GPC3: variants seen among roughly 807,000 people sequenced by gnomAD.
GPC3 encodes glypican 3, also known as glypican-3.
In GPC3, 3 loss-of-function variants were observed where a neutral mutation model predicts 34.4. The ratio of observed to expected loss-of-function variants is 0.09; its 90% CI spans 0.04 to 0.23. GPC3 has a LOEUF of 0.23. GPC3 is among the 10% of genes least tolerant of loss of function. The pLI is 1.00. For missense variants in GPC3, 351 were observed against 445.6 expected, an observed-to-expected ratio of 0.79 and a Z score of 1.91; for synonymous variants, 177 against 174.0, an observed-to-expected ratio of 1.02 and a Z score of -0.13.
intron 6 of GPC3, among the ~76,000 whole-genome samples, chrX:133,603,119 T>G (rs781309793): frequency 9.4e-6 from 1 of 106,483 alleles, no homozygotes; most frequent in Non-Finnish European, 1.9e-5. Context: ...AATTGTGATT[T>G]CGAAAAAAAT....
At chrX:133,841,453 A>G (rs1490217376) in intron 2 of GPC3, among the ~76,000 whole-genome samples, 1 of 108,988 alleles carries the variant, frequency 9.2e-6, no homozygotes, top group Admixed American at 1.0e-4. Flanking sequence ...CACGATGCAT[A>G]AATAGATTCA....
intron 2 of GPC3, among the ~76,000 whole-genome samples, chrX:133,952,569 G>C (rs757229552): frequency 8.9e-6 from 1 of 112,169 alleles, no homozygotes; most frequent in East Asian, 2.8e-4. Flanking sequence ...AGAAGTGAGA[G>C]TCACAAAGAG....
At chrX:133,606,431 AT>A (rs11287002) in intron 6 of GPC3, among the ~76,000 whole-genome samples, 6,852 of 110,812 alleles carry the variant, frequency 0.062, 570 homozygotes, top group African/African-American at 0.21. Context: ...TATTTTATTT[AT>A]TTTTTTTGAA....
chrX:133,976,609 G>A (rs913242897), intron 1 of GPC3, among the ~76,000 whole-genome samples: 8 of 67,399 alleles, frequency 1.2e-4, no homozygotes, highest in Non-Finnish European at 2.2e-4. Flanking sequence ...CTCTTCAATC[G>A]TAAGTTTTAA....
At chrX:133,633,754 T>C (rs1402173433) in intron 6 of GPC3, among the ~76,000 whole-genome samples, 1 of 112,119 alleles carries the variant, frequency 8.9e-6, no homozygotes, top group East Asian at 2.8e-4. Flanking sequence ...CAAAGCAGTT[T>C]AAGGTAACTT....
intron 7 of GPC3, among the ~76,000 whole-genome samples, chrX:133,546,038 TG>T (rs2069383107): frequency 8.9e-6 from 1 of 111,925 alleles, no homozygotes; most frequent in Non-Finnish European, 1.9e-5. Flanking sequence ...TGACAAACAC[TG>T]ATAGGACTTT....
At chrX:133,555,547 G>C (rs2069480356) in intron 7 of GPC3, among the ~76,000 whole-genome samples, 1 of 111,919 alleles carries the variant, frequency 8.9e-6, no homozygotes, top group Non-Finnish European at 1.9e-5. Context: ...GCCACTGAAG[G>C]CTGGGTGTGG....
At chrX:133,956,031 C>T (rs1391328627) in intron 1 of GPC3, among the ~76,000 whole-genome samples, 1 of 111,573 alleles carries the variant, frequency 9.0e-6, no homozygotes, top group African/African-American at 3.3e-5. Context: ...CATGACATCA[C>T]TGCTGGGGTC....
chrX:133,653,819 A>G (rs993159120), intron 6 of GPC3, among the ~76,000 whole-genome samples: 1 of 112,328 alleles, frequency 8.9e-6, no homozygotes. Context: ...TGGAGTACTT[A>G]CTGTATAAGA....
Position 133,641,001 on chromosome X carries a change from T to C in GPC3, c.1413+20729A>G, listed in dbSNP as rs2070474839. ...GGGCCACACACAAGTAAGAAGCTGCTTGATTTAGTTTAGCTTTTTTTTTTT... is the reference window on the plus strand; with the variant it reads ...GGGCCACACACAAGTAAGAAGCTGCCTGATTTAGTTTAGCTTTTTTTTTTT... On this transcript the variant is annotated intron_variant, in intron 6 of 7. Coordinates refer to ENST00000370818, the MANE Select transcript of GPC3 (RefSeq NM_004484.4). Among the ~76,000 whole-genome samples the C allele has an allele frequency of 2.7e-5, 3 of 110,409 alleles. No homozygotes were observed. The South Asian group carries it at 1.1e-3, about 42-fold the overall frequency.
At chrX:133,601,366 T>C (rs182857860) in intron 6 of GPC3, among the ~76,000 whole-genome samples, 1 of 112,044 alleles carries the variant, frequency 8.9e-6, no homozygotes, top group East Asian at 2.8e-4. Context: ...GCAGATTGAC[T>C]TGAGTTCGAA....
At chrX:133,931,291 AG>A (rs758653106) in intron 2 of GPC3, among the ~76,000 whole-genome samples, 5 of 111,948 alleles carry the variant, frequency 4.5e-5, no homozygotes, top group Non-Finnish European at 9.4e-5. Flanking sequence ...AATCCAGTGG[AG>A]GGGGTAGTCA....
Position 133,907,674 on chromosome X carries a change from A to G in GPC3, c.337+45376T>C, listed in dbSNP as rs2076175403. ...CATATCATAGTTTATATAACCATTCACTCCTCTACTATGGAACATTTTGAT... is the reference window on the plus strand; with the variant it reads ...CATATCATAGTTTATATAACCATTCGCTCCTCTACTATGGAACATTTTGAT... On this transcript the variant is annotated intron_variant, in intron 2 of 7. Transcript: ENST00000370818. Among the ~76,000 whole-genome samples, 3 of 110,835 alleles carry G rather than the reference A, an allele frequency of 2.7e-5. No individual in the cohort carries two copies. The Admixed American group carries it at 2.9e-4, about 11-fold the overall frequency.
intron 7 of GPC3, among the ~76,000 whole-genome samples, chrX:133,542,183 C>T (rs2069347184): frequency 1.8e-5 from 2 of 112,082 alleles, no homozygotes; most frequent in Admixed American, 1.9e-4. Context: ...TTTTCTTGAG[C>T]TGTTTTTTAA....
intron 2 of GPC3, among the ~76,000 whole-genome samples, chrX:133,833,422 G>A (rs1270782724): frequency 8.9e-6 from 1 of 111,764 alleles, no homozygotes; most frequent in Non-Finnish European, 1.9e-5. Context: ...AAGGAGGAGG[G>A]AGGGTCTGAT....
intron 6 of GPC3, among the ~76,000 whole-genome samples, chrX:133,622,846 A>G (rs1603198411): frequency 9.0e-6 from 1 of 111,171 alleles, no homozygotes; most frequent in East Asian, 2.8e-4. Context: ...GAGAAGAGCA[A>G]CTCCAAGAAA....
intron 1 of GPC3, among the ~76,000 whole-genome samples, chrX:133,957,522 A>G (rs1334217960): frequency 8.9e-6 from 1 of 112,339 alleles, no homozygotes; most frequent in African/African-American, 3.2e-5. Flanking sequence ...AGAAACAGAA[A>G]AAGAATTTAG....
chrX:133,859,690 G>C (rs1180624554), intron 2 of GPC3, among the ~76,000 whole-genome samples: 1 of 112,600 alleles, frequency 8.9e-6, no homozygotes, highest in African/African-American at 3.2e-5. Flanking sequence ...TCAGGATTTT[G>C]AGTTTGCAAA....
At chrX:133,960,197 G>T (rs769284250) in intron 1 of GPC3, among the ~76,000 whole-genome samples, 49 of 110,185 alleles carry the variant, frequency 4.4e-4, no homozygotes, top group Non-Finnish European at 8.7e-4. Context: ...AGACCCTGGG[G>T]CGTAATAGCT....
Sources: allele counts gnomAD v4.1 joint callset (sites outside exome capture counted in the v4.1 genomes callset), GRCh38; gene constraint gnomAD v4.1.1; transcripts MANE v1.5; gene names NCBI Gene and HGNC (gene_info 2026-07-23, HGNC 2026-07-21).